CADM2: variants seen among roughly 807,000 people sequenced by gnomAD.
The protein encoded by CADM2 is immunoglobulin superfamily member 4D.
In CADM2, 12 loss-of-function variants were observed where a neutral mutation model predicts 49.8. The observed-to-expected ratio is 0.24, with a 90% CI of 0.15 to 0.39. The LOEUF (loss-of-function observed/expected upper bound fraction) is 0.39, where lower values mean the gene tolerates loss of function less well. CADM2 is among the 10% of genes least tolerant of loss of function. The pLI is 1.00. For synonymous variants in CADM2, 214 were observed against 175.4 expected (o/e 1.22, Z -1.74); for missense variants, 378 against 492.3 (o/e 0.77, Z 2.20).
chr3:85,289,744 T>A (rs2043729009), intron 1 of CADM2, among the ~76,000 whole-genome samples: 1 of 152,152 alleles, frequency 6.6e-6, no homozygotes, highest in Non-Finnish European at 1.5e-5. Context: ...GGAAGAAGTG[T>A]TTAGTATATA....
intron 2 of CADM2, among the ~76,000 whole-genome samples, chr3:85,783,985 A>G (rs1326334898): frequency 6.6e-6 from 1 of 152,186 alleles, no homozygotes; most frequent in East Asian, 1.9e-4. Flanking sequence ...TTACAGCCTC[A>G]AATGTGAGCT....
chr3:85,651,740 C>G (rs6785555), intron 1 of CADM2, among the ~76,000 whole-genome samples: 22,868 of 151,978 alleles, frequency 0.15, 1,833 homozygotes, highest in African/African-American at 0.19. Context: ...TTTCCAAACT[C>G]TGACTACACC....
chr3:85,075,030 C>T (rs939596701), intron 1 of CADM2, among the ~76,000 whole-genome samples: 1 of 151,872 alleles, frequency 6.6e-6, no homozygotes, highest in African/African-American at 2.4e-5. Context: ...CAAGGTTTTG[C>T]ACTCCAAGAG....
At chr3:85,998,153 G>C (rs1318148641) in intron 8 of CADM2, among the ~76,000 whole-genome samples, 4 of 152,036 alleles carry the variant, frequency 2.6e-5, no homozygotes, top group Admixed American at 6.6e-5. Context: ...GGGGTAGCAG[G>C]GTTGGGGGTA....
chr3:85,832,914 T>C (rs1278034640), intron 3 of CADM2, among the ~76,000 whole-genome samples: 2 of 151,906 alleles, frequency 1.3e-5, no homozygotes, highest in Non-Finnish European at 2.9e-5. Context: ...CAGCTTCCGC[T>C]CATTCAGTAC....
At chr3:85,910,228 T>C (rs557761460) in intron 5 of CADM2, among the ~76,000 whole-genome samples, 2 of 152,268 alleles carry the variant, frequency 1.3e-5, no homozygotes, top group Admixed American at 6.5e-5. Context: ...TAATTTCTCA[T>C]ATGTTGTGTA....
In CADM2 at chr3:85,321,114, ATATTTTTTTTTTTTTTTTTTTTTTTTTTT is replaced by A. The variant is rs1559778004; in HGVS notation, c.61+361448_61+361476del. Among the ~76,000 whole-genome samples, 124 of 34,164 alleles carry A rather than the reference ATATTTTTTTTTTTTTTTTTTTTTTTTTTT, an allele frequency of 3.6e-3. 9 individuals carry two copies. Among genetic ancestry groups the A allele is most frequent in the African/African-American group, 8.9e-3 (120 of 13,444 alleles). 22.4% of individuals were successfully genotyped at this position (34,164 alleles called of 152,430 possible). Reference sequence around the variant, plus strand: ...TACATATATATATATATATATATATATATTTTTTTTTTTTTTTTTTTTTTTTTTTTTTTTTTTTTTTTTTTTTTTTTTGC... The same window carrying A: ...TACATATATATATATATATATATATATTTTTTTTTTTTTTTTTTTTTTTGC... On this transcript the variant is annotated intron_variant, in intron 1 of 9. Transcript: ENST00000383699.
At chr3:85,467,887 G>A (rs958966574) in intron 1 of CADM2, among the ~76,000 whole-genome samples, 1 of 152,160 alleles carries the variant, frequency 6.6e-6, no homozygotes, top group African/African-American at 2.4e-5. Flanking sequence ...ATAACATTGA[G>A]GCAGCGCCTG....
At chr3:85,959,058 C>CTATATAGA (rs1553713699) in intron 7 of CADM2, among the ~76,000 whole-genome samples, 1 of 150,372 alleles carries the variant, frequency 6.7e-6, no homozygotes, top group Non-Finnish European at 1.5e-5. Context: ...ATCTATATAT[C>CTATATAGA]TATATCTATA....
intron 1 of CADM2, among the ~76,000 whole-genome samples, chr3:85,223,389 T>C (rs759019347): frequency 1.8e-4 from 27 of 152,172 alleles, no homozygotes; most frequent in Admixed American, 3.9e-4. Flanking sequence ...CCTCTGTAAC[T>C]TAATAATCAT....
At chr3:86,041,651 C>T (rs1226354209) in intron 8 of CADM2, among the ~76,000 whole-genome samples, 2 of 152,164 alleles carry the variant, frequency 1.3e-5, no homozygotes, top group Admixed American at 6.5e-5. Flanking sequence ...TAACACCCCA[C>T]TGTCAACATT....
At chr3:84,975,223 A>G (rs1158625420) in intron 1 of CADM2, among the ~76,000 whole-genome samples, 1 of 151,860 alleles carries the variant, frequency 6.6e-6, no homozygotes, top group Non-Finnish European at 1.5e-5. Context: ...GTTATTTAAA[A>G]CAAAATAAGT....
chr3:85,231,102 T>G (rs1343227899), intron 1 of CADM2, among the ~76,000 whole-genome samples: 1 of 152,180 alleles, frequency 6.6e-6, no homozygotes, highest in Non-Finnish European at 1.5e-5. Flanking sequence ...TCTCTTCTTC[T>G]TATGAAGACA....
At chr3:85,919,252 C>G (rs927546252) in intron 6 of CADM2, among the ~76,000 whole-genome samples, 8 of 151,840 alleles carry the variant, frequency 5.3e-5, no homozygotes, top group African/African-American at 1.9e-4. Flanking sequence ...TAGGCTTTGC[C>G]TATAAAAATG....
chr3:85,644,452 C>A (rs924423234), intron 1 of CADM2, among the ~76,000 whole-genome samples: 2 of 152,114 alleles, frequency 1.3e-5, no homozygotes, highest in Non-Finnish European at 2.9e-5. Flanking sequence ...TCCATAGCAA[C>A]TAATAATCAG....
intron 1 of CADM2, among the ~76,000 whole-genome samples, chr3:85,023,856 T>A (rs2034610650): frequency 6.6e-6 from 1 of 152,090 alleles, no homozygotes; most frequent in African/African-American, 2.4e-5. Context: ...TGTCTATTTT[T>A]CTATGTGCTT....
chr3:85,395,559 A>T (rs1001117533), intron 1 of CADM2, among the ~76,000 whole-genome samples: 1 of 152,148 alleles, frequency 6.6e-6, no homozygotes, highest in Non-Finnish European at 1.5e-5. Context: ...ACTTTGTTTC[A>T]TATGAAATTG....
intron 8 of CADM2, among the ~76,000 whole-genome samples, chr3:85,985,352 C>T (rs1461464400): frequency 6.6e-6 from 1 of 151,906 alleles, no homozygotes; most frequent in African/African-American, 2.4e-5. Context: ...TTAATCACTT[C>T]CCCAGGCCCC....
At chr3:85,024,853 C>A (rs937358648) in intron 1 of CADM2, among the ~76,000 whole-genome samples, 5 of 151,894 alleles carry the variant, frequency 3.3e-5, no homozygotes, top group African/African-American at 1.2e-4. Context: ...ATACAATAGT[C>A]TCATTCAAAG....
Sources: allele counts gnomAD v4.1 joint callset (sites outside exome capture counted in the v4.1 genomes callset), GRCh38; gene constraint gnomAD v4.1.1; transcripts MANE v1.5; gene names NCBI Gene and HGNC (gene_info 2026-07-23, HGNC 2026-07-21).